Variants in FAM193A observed in about 807,000 individuals in gnomAD.
FAM193A encodes the protein protein FAM193A.
Under a neutral mutation model 126.5 loss-of-function variants are expected in FAM193A, and 22 were observed. The ratio of observed to expected loss-of-function variants is 0.17; its 90% CI spans 0.12 to 0.25. FAM193A has a LOEUF of 0.25. FAM193A is among the 10% of genes least tolerant of loss of function. FAM193A has a pLI of 1.00. For missense variants in FAM193A, 1,675 were observed against 1,672.8 expected (o/e 1.00, Z -0.02); for synonymous variants, 761 against 646.8 (o/e 1.18, Z -2.68).
intron 19 of FAM193A, among the ~76,000 whole-genome samples, chr4:2,701,003 CAGTTCCCCAACTTT>C (rs1283457038): frequency 6.6e-6 from 1 of 152,012 alleles, no homozygotes. Context: ...CTACCCCCTC[CAGTTCCCCAACTTT>C]AGTTCCCCAA....
intron 1 of FAM193A, among the ~76,000 whole-genome samples, chr4:2,557,234 G>A (rs143973733): frequency 2.0e-5 from 3 of 152,206 alleles, no homozygotes; most frequent in Non-Finnish European, 2.9e-5. Context: ...TTATTATACT[G>A]TGCTCACCTG....
At chr4:2,564,765 G>T (rs924514552) in intron 1 of FAM193A, among the ~76,000 whole-genome samples, 2 of 152,058 alleles carry the variant, frequency 1.3e-5, no homozygotes, top group African/African-American at 4.8e-5. Context: ...TGGTGTGGGG[G>T]TTTGCTCTGG....
intron 18 of FAM193A, among the ~76,000 whole-genome samples, chr4:2,699,446 C>CCCCCCACACA (rs748329252): frequency 9.7e-6 from 1 of 103,478 alleles, no homozygotes; most frequent in African/African-American, 3.5e-5. Context: ...ACCCCCCCCC[C>CCCCCCACACA]CACACACACA....
In FAM193A at chr4:2,687,729, T is replaced by C. The variant is rs567051028; in HGVS notation, c.2332-1777T>C. The stretch of plus-strand genomic sequence containing the variant: ...TCCGCCTTCTGGTTCATCCACAGCA[T>C]TGCCACAAATTGATCTTTCCACAAA... On this transcript the variant is annotated intron_variant, in intron 13 of 20. Coordinates refer to ENST00000637812, the MANE Select transcript of FAM193A (RefSeq NM_001366318.2). Among the ~76,000 whole-genome samples, 28 of 152,336 alleles carry C rather than the reference T, an allele frequency of 1.8e-4. No homozygotes were observed. The South Asian group carries it at 4.3e-3, about 24-fold the overall frequency.
At chr4:2,596,436 T>G (rs1349659169) in intron 2 of FAM193A, 107 bp downstream of exon 2, 1 of 639,190 alleles carries the variant, frequency 1.6e-6, no homozygotes, top group Non-Finnish European at 2.8e-6. Context: ...CAGGGGGCAC[T>G]CCCTCCTGCA....
intron 10 of FAM193A, among the ~76,000 whole-genome samples, chr4:2,660,760 C>G (rs1712339417): frequency 6.6e-6 from 1 of 152,236 alleles, no homozygotes; most frequent in Non-Finnish European, 1.5e-5. Flanking sequence ...CTCTGACCAA[C>G]TGACTTGTGT....
At chr4:2,580,255 G>T (rs545369779) in intron 1 of FAM193A, among the ~76,000 whole-genome samples, 1 of 152,064 alleles carries the variant, frequency 6.6e-6, no homozygotes, top group African/African-American at 2.4e-5. Flanking sequence ...ACCAGATACC[G>T]CATATTCTCG....
At chr4:2,617,256 A>T (rs1377602498) in intron 2 of FAM193A, among the ~76,000 whole-genome samples, 6 of 38,220 alleles carry the variant, frequency 1.6e-4, no homozygotes, top group African/African-American at 2.7e-4. Context: ...ATATATATAT[A>T]TATATATTTT....
rs545782009 is a variant in FAM193A, at chr4:2,592,249, C to T, written c.256-3835C>T. On this transcript the variant is annotated intron_variant, in intron 1 of 20. Transcript: ENST00000637812. The stretch of plus-strand genomic sequence containing the variant: ...GATTACAGATGTACGCCACCACACC[C>T]GGCTAATTTTTTGTATTTTTAGTAG... Among the ~76,000 whole-genome samples, 174 of 152,162 alleles carry T rather than the reference C, an allele frequency of 1.1e-3. 1 individual carries two copies. The highest frequency in any genetic ancestry group is 4.0e-3 in the African/African-American group (168 of 41,544).
At chr4:2,672,017 TA>T (rs1713854431) in intron 12 of FAM193A, 103 bp from the exon 13 acceptor site, 2 of 1,301,360 alleles carry the variant, frequency 1.5e-6, no homozygotes, top group Admixed American at 3.8e-5. Context: ...AAAGCCCACT[TA>T]CCTTTGTATT....
In FAM193A at chr4:2,695,291, A is replaced by G. The variant is rs1040379137; in HGVS notation, c.3276+162A>G. 9.9e-6 allele frequency: 6 copies of G among 607,158 alleles called. No individual in the cohort carries two copies. In the African/African-American group the frequency reaches 1.2e-4, roughly 12 times the overall value. The allele number at this position is 607,158 out of a possible 1,614,324, so 37.6% of individuals were successfully genotyped here. On this transcript the variant is annotated intron_variant, in intron 17 of 20. Transcript: ENST00000637812. ...ATATATGCCCAAAGATTTAGCCATA[A>G]TGATTTTTTTTCTTCATTTTTTACT...
At chr4:2,721,473 GAGAT>G (rs1296127947) in intron 20 of FAM193A, among the ~76,000 whole-genome samples, 4 of 152,126 alleles carry the variant, frequency 2.6e-5, no homozygotes, top group Admixed American at 2.6e-4. Flanking sequence ...AAGCAATAGA[GAGAT>G]CCTTTCTCCA....
chr4:2,731,128 G>A lies in FAM193A; in HGVS notation c.4455-647G>A, dbSNP rs568568513. The stretch of plus-strand genomic sequence containing the variant: ...GGAGAATCACTTCAACGTGGGAGGC[G>A]GAGGCTTCAGTGAGCTGAGATTGTG... On this transcript the variant is annotated intron_variant, in intron 20 of 20. Transcript: ENST00000637812. Among the ~76,000 whole-genome samples the A allele has an allele frequency of 6.6e-5, 10 of 150,388 alleles. 1 individual carries two copies. The highest frequency in any genetic ancestry group is 6.6e-5 in the Admixed American group (1 of 15,088).
intron 1 of FAM193A, among the ~76,000 whole-genome samples, chr4:2,586,530 A>G (rs536097356): frequency 6.6e-6 from 1 of 152,194 alleles, no homozygotes; most frequent in East Asian, 1.9e-4. Context: ...TTGGTTATAA[A>G]TTTAGTGTAT....
chr4:2,661,394 C>T (rs1022229041), intron 10 of FAM193A, among the ~76,000 whole-genome samples: 6 of 152,298 alleles, frequency 3.9e-5, no homozygotes, highest in East Asian at 3.9e-4. Flanking sequence ...TGGATCTTTA[C>T]GGAGCTAGGG....
At chr4:2,546,564 T>A (rs963535301) in intron 1 of FAM193A, among the ~76,000 whole-genome samples, 3 of 152,186 alleles carry the variant, frequency 2.0e-5, no homozygotes, top group African/African-American at 7.2e-5. Flanking sequence ...CTCAGCATAA[T>A]GACTTTGAGA....
At chr4:2,690,140 A>C (rs533983244) in intron 14 of FAM193A, among the ~76,000 whole-genome samples, 1 of 152,316 alleles carries the variant, frequency 6.6e-6, no homozygotes, top group East Asian at 1.9e-4. Context: ...CATTGGCGCC[A>C]CGTGGCATCT....
intron 1 of FAM193A, among the ~76,000 whole-genome samples, chr4:2,570,913 G>T (rs1739255920): frequency 6.6e-6 from 1 of 152,176 alleles, no homozygotes; most frequent in African/African-American, 2.4e-5. Flanking sequence ...CGAACACACA[G>T]GGCCTATTTC....
At chr4:2,596,774 G>A (rs147035912) in intron 2 of FAM193A, among the ~76,000 whole-genome samples, 13 of 145,610 alleles carry the variant, frequency 8.9e-5, no homozygotes, top group African/African-American at 3.1e-4. Context: ...TGGGAAGACC[G>A]CACCCTTACT....
Sources: gnomAD v4.1 joint callset for allele counts (sites outside exome capture counted in the v4.1 genomes callset) on GRCh38, gnomAD v4.1.1 for gene constraint, MANE v1.5 for transcripts, NCBI Gene and HGNC (gene_info 2026-07-23, HGNC 2026-07-21) for gene names.